The following TAFA4 variants were observed in gnomAD, a reference collection of about 807,000 sequenced individuals.
TAFA4 encodes TAFA chemokine like family member 4.
Under a neutral mutation model 21.1 loss-of-function variants are expected in TAFA4, and 20 were observed. That is an observed-to-expected ratio of 0.95 (90% CI 0.67 to 1.38). The LOEUF (loss-of-function observed/expected upper bound fraction) is 1.38, where lower values mean the gene tolerates loss of function less well. Ranked by LOEUF, TAFA4 falls within the 40% of genes most tolerant of loss-of-function variation. TAFA4 has a pLI of 0.00. For synonymous variants in TAFA4, 71 were observed against 67.4 expected, an observed-to-expected ratio of 1.05 and a Z score of -0.26; for missense variants, 211 against 180.9, an observed-to-expected ratio of 1.17 and a Z score of -0.95.
At chr3:68,778,572 T>C (rs116053124) in intron 3 of TAFA4, among the ~76,000 whole-genome samples, 6,234 of 152,270 alleles carry the variant, frequency 0.041, 450 homozygotes, top group African/African-American at 0.14. Context: ...CATGCTGTTC[T>C]CATGACAGTG....
chr3:68,776,944 T>A (rs1703059388), intron 3 of TAFA4, among the ~76,000 whole-genome samples: 1 of 152,058 alleles, frequency 6.6e-6, no homozygotes, highest in African/African-American at 2.4e-5. Context: ...TATTTTGGTG[T>A]GTATGATAAT....
At chr3:68,768,214 A>T (rs1257013338) in intron 3 of TAFA4, among the ~76,000 whole-genome samples, 1 of 152,176 alleles carries the variant, frequency 6.6e-6, no homozygotes, top group Non-Finnish European at 1.5e-5. Flanking sequence ...CATACATCTG[A>T]TAAGGGGTAA....
At chr3:68,896,657 G>A (rs1351130005) in intron 1 of TAFA4, among the ~76,000 whole-genome samples, 3 of 152,154 alleles carry the variant, frequency 2.0e-5, no homozygotes, top group Non-Finnish European at 2.9e-5. Context: ...CTGCTTGTTC[G>A]CAGGCTAAGG....
chr3:68,807,581 C>G (rs544389688), intron 3 of TAFA4, among the ~76,000 whole-genome samples: 10 of 152,292 alleles, frequency 6.6e-5, no homozygotes, highest in African/African-American at 2.2e-4. Context: ...GCAGGGCATT[C>G]ACATAGGCAA....
intron 3 of TAFA4, among the ~76,000 whole-genome samples, chr3:68,792,650 C>T (rs1284804642): frequency 1.3e-5 from 2 of 152,162 alleles, no homozygotes; most frequent in African/African-American, 2.4e-5. Context: ...CTATCTCTTG[C>T]CCTGCTGTTC....
At chr3:68,770,948 AG>A (rs1702946209) in intron 3 of TAFA4, among the ~76,000 whole-genome samples, 1 of 152,116 alleles carries the variant, frequency 6.6e-6, no homozygotes, top group East Asian at 1.9e-4. Flanking sequence ...CACACACACA[AG>A]CGGCTGGACA....
chr3:68,904,065 TAAA>T (rs10707666), intron 1 of TAFA4, among the ~76,000 whole-genome samples: 10 of 143,380 alleles, frequency 7.0e-5, no homozygotes, highest in Non-Finnish European at 7.7e-5. Context: ...TTTAGAAAGT[TAAA>T]AAAAAAAAAA....
intron 3 of TAFA4, among the ~76,000 whole-genome samples, chr3:68,866,190 T>C (rs1013265823): frequency 5.9e-5 from 9 of 152,088 alleles, no homozygotes; most frequent in African/African-American, 1.4e-4. Flanking sequence ...ACTAGAGTGG[T>C]TGTTCAGCAG....
intron 3 of TAFA4, among the ~76,000 whole-genome samples, chr3:68,755,558 C>G (rs1026787841): frequency 6.6e-6 from 1 of 152,186 alleles, no homozygotes; most frequent in Non-Finnish European, 1.5e-5. Flanking sequence ...AGTATTCACA[C>G]GTTTGTGCAG....
intron 3 of TAFA4, among the ~76,000 whole-genome samples, chr3:68,762,658 G>C (rs1442238488): frequency 6.6e-6 from 1 of 152,228 alleles, no homozygotes; most frequent in Non-Finnish European, 1.5e-5. Context: ...GTGCTGTCCT[G>C]TTAAGTCTGT....
intron 3 of TAFA4, among the ~76,000 whole-genome samples, chr3:68,878,261 A>G (rs1442067373): frequency 2.6e-5 from 4 of 152,230 alleles, no homozygotes; most frequent in Non-Finnish European, 4.4e-5. Context: ...ATAGCACCCA[A>G]GTTCTCAACT....
chr3:68,893,442 G>A (rs900535093), intron 1 of TAFA4, among the ~76,000 whole-genome samples: 4 of 152,148 alleles, frequency 2.6e-5, no homozygotes, highest in African/African-American at 4.8e-5. Context: ...TACCGTGGAA[G>A]TTAAATATGT....
intron 5 of TAFA4, among the ~76,000 whole-genome samples, chr3:68,735,188 T>TTG (rs1330749958): frequency 9.0e-5 from 7 of 77,376 alleles, no homozygotes; most frequent in African/African-American, 2.8e-4. Context: ...AGTGGAATTT[T>TTG]AGAAGGGCAA....
At chr3:68,896,235 G>A (rs1030955438) in intron 1 of TAFA4, among the ~76,000 whole-genome samples, 2 of 152,086 alleles carry the variant, frequency 1.3e-5, no homozygotes, top group African/African-American at 2.4e-5. Flanking sequence ...TTCCAAATGT[G>A]GTATAAGAGT....
intron 3 of TAFA4, among the ~76,000 whole-genome samples, chr3:68,798,932 A>G (rs1409794192): frequency 6.6e-6 from 1 of 152,180 alleles, no homozygotes; most frequent in Non-Finnish European, 1.5e-5. Flanking sequence ...TAAATATGTC[A>G]CTGGTAAATT....
chr3:68,894,463 TA>T, intron 1 of TAFA4, among the ~76,000 whole-genome samples: 1 of 152,212 alleles, frequency 6.6e-6, no homozygotes, highest in Non-Finnish European at 1.5e-5. Flanking sequence ...GTTACTTCTA[TA>T]ACACAAGTCT....
chr3:68,915,205 T>G (rs1208576912), intron 1 of TAFA4, among the ~76,000 whole-genome samples: 1 of 152,160 alleles, frequency 6.6e-6, no homozygotes, highest in Non-Finnish European at 1.5e-5. Context: ...GGCTCCAAAT[T>G]CTGAAGCCCA....
chr3:68,772,531 C>G (rs1012104127), intron 3 of TAFA4, among the ~76,000 whole-genome samples: 10 of 152,228 alleles, frequency 6.6e-5, no homozygotes, highest in African/African-American at 2.4e-4. Flanking sequence ...GACATCAGAA[C>G]TCCAGGCTCT....
chr3:68,793,813 A>T (rs1038483970), intron 3 of TAFA4, among the ~76,000 whole-genome samples: 2 of 152,222 alleles, frequency 1.3e-5, no homozygotes, highest in Non-Finnish European at 2.9e-5. Context: ...ACATAGAGAT[A>T]AAGTGCAATT....
Sources: allele counts gnomAD v4.1 joint callset (sites outside exome capture counted in the v4.1 genomes callset), GRCh38; gene constraint gnomAD v4.1.1; transcripts MANE v1.5; gene names NCBI Gene and HGNC (gene_info 2026-07-23, HGNC 2026-07-21).